IL1RAPL1: variants seen among roughly 807,000 people sequenced by gnomAD.
IL1RAPL1 encodes interleukin 1 receptor accessory protein like 1.
IL1RAPL1 carries 3 observed loss-of-function variants against 48.4 expected under a neutral mutation model. The observed-to-expected ratio is 0.06, with a 90% CI of 0.03 to 0.16. The LOEUF is 0.16. Among genes scored for constraint, IL1RAPL1 ranks in the 10% least tolerant of loss-of-function variants. The probability of loss-of-function intolerance (pLI) is 1.00; values close to 1 mark genes in which losing one functional copy is unlikely to be tolerated. For missense variants in IL1RAPL1, 349 were observed against 530.6 expected (o/e 0.66, Z 3.36); for synonymous variants, 185 against 187.7 (o/e 0.99, Z 0.12).
intron 1 of IL1RAPL1, among the ~76,000 whole-genome samples, chrX:28,731,014 T>C (rs1373375126): frequency 9.0e-6 from 1 of 111,308 alleles, no homozygotes; most frequent in East Asian, 2.8e-4. Context: ...GTAAGAATGC[T>C]CACTCCTAGA....
At chrX:28,978,002 C>T (rs1436932876) in intron 2 of IL1RAPL1, among the ~76,000 whole-genome samples, 2 of 111,994 alleles carry the variant, frequency 1.8e-5, no homozygotes, top group Non-Finnish European at 3.8e-5. Flanking sequence ...AAAGTGAACG[C>T]GTTTCAGTTT....
chrX:29,175,519 G>A (rs4893608), intron 2 of IL1RAPL1, among the ~76,000 whole-genome samples: 35,391 of 109,845 alleles, frequency 0.32, 4,313 homozygotes, highest in East Asian at 0.56. Flanking sequence ...TGAGAATTGC[G>A]AGGATTTAGA....
intron 6 of IL1RAPL1, among the ~76,000 whole-genome samples, chrX:29,758,446 A>G (rs975607945): frequency 6.3e-5 from 7 of 111,464 alleles, no homozygotes; most frequent in Non-Finnish European, 1.3e-4. Flanking sequence ...TAATCCCAGC[A>G]CTTTGGGAAG....
intron 6 of IL1RAPL1, among the ~76,000 whole-genome samples, chrX:29,732,468 C>T (rs146839338): frequency 2.5e-4 from 28 of 111,694 alleles, no homozygotes; most frequent in Non-Finnish European, 4.3e-4. Flanking sequence ...CCATTTTCCT[C>T]GCAATCATCA....
In IL1RAPL1 at chrX:29,480,291, C is replaced by CATATATATATATATATATATAT. The variant is rs61703733; in HGVS notation, c.703+80988_703+81009dup. Reference sequence around the variant, plus strand: ...TGATATATGTATACACACACATATACATATATATATATATATATATATATA... The same window carrying CATATATATATATATATATATAT: ...TGATATATGTATACACACACATATACATATATATATATATATATATATATATATATATATATATATATATATA... On this transcript the variant is annotated intron_variant, in intron 5 of 10. Coordinates refer to ENST00000378993, the MANE Select transcript of IL1RAPL1 (RefSeq NM_014271.4). Among the ~76,000 whole-genome samples, 44 of 76,564 alleles carry CATATATATATATATATATATAT rather than the reference C, an allele frequency of 5.7e-4. 1 individual carries two copies. The highest frequency in any genetic ancestry group is 2.2e-3 in the African/African-American group (36 of 16,450). The allele number at this position is 76,564 out of a possible 115,157, so 66.5% of individuals were successfully genotyped here. A position where few individuals can be genotyped will look rare whatever the true frequency, so the allele number is the denominator to read the frequency against.
intron 5 of IL1RAPL1, among the ~76,000 whole-genome samples, chrX:29,590,413 G>A (rs1923329618): frequency 9.0e-6 from 1 of 111,464 alleles, no homozygotes; most frequent in Non-Finnish European, 1.9e-5. Flanking sequence ...CCTAAATTTG[G>A]GTAGTCTCAT....
At chrX:29,405,191 C>T (rs1208376616) in intron 5 of IL1RAPL1, among the ~76,000 whole-genome samples, 4 of 109,052 alleles carry the variant, frequency 3.7e-5, no homozygotes, top group Non-Finnish European at 7.6e-5. Flanking sequence ...GGATTACAGG[C>T]GTGAGCTACC....
intron 1 of IL1RAPL1, among the ~76,000 whole-genome samples, chrX:28,768,220 A>G (rs1936263549): frequency 1.8e-5 from 2 of 111,655 alleles, no homozygotes; most frequent in South Asian, 7.4e-4. Flanking sequence ...TCTGATTTCC[A>G]TCATCTTGAC....
At chrX:29,558,729 T>C (rs1395814842) in intron 5 of IL1RAPL1, among the ~76,000 whole-genome samples, 1 of 111,724 alleles carries the variant, frequency 9.0e-6, no homozygotes, top group Non-Finnish European at 1.9e-5. Flanking sequence ...AAGATAAGGG[T>C]CCAATTTTAT....
intron 6 of IL1RAPL1, among the ~76,000 whole-genome samples, chrX:29,750,737 C>T (rs1928438004): frequency 8.9e-6 from 1 of 111,826 alleles, no homozygotes; most frequent in Admixed American, 9.5e-5. Flanking sequence ...TCTATAATTA[C>T]ATCACCCTAA....
intron 1 of IL1RAPL1, among the ~76,000 whole-genome samples, chrX:28,687,908 C>A (rs941710866): frequency 2.7e-5 from 3 of 111,002 alleles, no homozygotes; most frequent in African/African-American, 9.8e-5. Context: ...TAGAGACCAG[C>A]CTGGCCAACA....
chrX:29,197,396 C>G (rs912336328), intron 2 of IL1RAPL1, among the ~76,000 whole-genome samples: 1 of 111,515 alleles, frequency 9.0e-6, no homozygotes, highest in Non-Finnish European at 1.9e-5. Flanking sequence ...TTGATTCATA[C>G]TGCCCATCTC....
intron 2 of IL1RAPL1, among the ~76,000 whole-genome samples, chrX:28,797,972 T>C (rs1936633339): frequency 8.9e-6 from 1 of 111,801 alleles, no homozygotes; most frequent in Admixed American, 9.5e-5. Context: ...CTTACATGGA[T>C]GGCAGCAGGC....
At chrX:29,371,462 G>C (rs1933544954) in intron 3 of IL1RAPL1, among the ~76,000 whole-genome samples, 1 of 111,322 alleles carries the variant, frequency 9.0e-6, no homozygotes, top group Admixed American at 9.6e-5. Flanking sequence ...ACTAAACTTA[G>C]ATACAGGGGG....
chrX:28,971,336 A>G (rs1262088010), intron 2 of IL1RAPL1, among the ~76,000 whole-genome samples: 5 of 112,502 alleles, frequency 4.4e-5, no homozygotes, highest in African/African-American at 1.6e-4. Context: ...CTTAAAATAT[A>G]TGGATGAAAA....
At chrX:29,801,467 T>A (rs1929903274) in intron 6 of IL1RAPL1, among the ~76,000 whole-genome samples, 1 of 111,076 alleles carries the variant, frequency 9.0e-6, no homozygotes, top group Admixed American at 9.6e-5. Context: ...GAGGTCATTT[T>A]ATCAGGATTG....
chrX:29,483,465 G>A (rs1257106446), intron 5 of IL1RAPL1, among the ~76,000 whole-genome samples: 1 of 111,318 alleles, frequency 9.0e-6, no homozygotes, highest in African/African-American at 3.3e-5. Flanking sequence ...TACGTTCTGC[G>A]ATGCTATTTT....
chrX:29,945,268 C>A (rs1933195374), intron 9 of IL1RAPL1, among the ~76,000 whole-genome samples: 1 of 112,085 alleles, frequency 8.9e-6, no homozygotes, highest in African/African-American at 3.2e-5. Context: ...TGAAAAACTT[C>A]TCTGACATCA....
chrX:29,591,706 C>G lies in IL1RAPL1; in HGVS notation c.704-76724C>G, dbSNP rs747007110. Among the ~76,000 whole-genome samples, 71 of 112,763 alleles carry G rather than the reference C, an allele frequency of 6.3e-4. 2 individuals carry two copies. Among genetic ancestry groups the G allele is most frequent in the Non-Finnish European group, 1.3e-4 (7 of 53,342 alleles). On this transcript the variant is annotated intron_variant, in intron 5 of 10. Transcript: ENST00000378993. ...AGCCCTCTGCTGTTAGGGAAGGAGA[C>G]AGATGCAGCTGTTTATTAAGGGTGA...
Sources: allele counts gnomAD v4.1 joint callset (sites outside exome capture counted in the v4.1 genomes callset), GRCh38; gene constraint gnomAD v4.1.1; transcripts MANE v1.5; gene names NCBI Gene and HGNC (gene_info 2026-07-23, HGNC 2026-07-21).